The following SLC38A6 variants were observed in gnomAD, a reference collection of about 807,000 sequenced individuals.
SLC38A6 encodes the protein N system amino acid transporter NAT-1.
In SLC38A6, 73 loss-of-function variants were observed where a neutral mutation model predicts 65.0. The ratio of observed to expected loss-of-function variants is 1.12; its 90% CI spans 0.93 to 1.37. The LOEUF is 1.37. SLC38A6 is among the 40% of genes most tolerant of loss of function. The pLI is 0.00. For missense variants in SLC38A6, 561 were observed against 531.1 expected, an observed-to-expected ratio of 1.06 and a Z score of -0.55; for synonymous variants, 183 against 178.8, an observed-to-expected ratio of 1.02 and a Z score of -0.19.
At chr14:61,009,320 A>G (rs1449618404) in intron 3 of SLC38A6, among the ~76,000 whole-genome samples, 1 of 152,148 alleles carries the variant, frequency 6.6e-6, no homozygotes, top group East Asian at 1.9e-4. Context: ...AAATTACATC[A>G]ATCTGCATGT....
intron 3 of SLC38A6, chr14:61,004,504 T>A (rs1034244503): frequency 2.8e-4 from 42 of 152,292 alleles, no homozygotes; most frequent in African/African-American, 9.9e-4. Flanking sequence ...ATAAAGGGGT[T>A]ATCACCACTG....
At chr14:61,049,656 A>G (rs933180200) in intron 12 of SLC38A6, among the ~76,000 whole-genome samples, 9 of 152,176 alleles carry the variant, frequency 5.9e-5, no homozygotes, top group African/African-American at 2.2e-4. Flanking sequence ...ATCTCTTCTT[A>G]AAGTTCCCTG....
chr14:60,997,733 T>C (rs893281108), intron 3 of SLC38A6, among the ~76,000 whole-genome samples: 1 of 152,086 alleles, frequency 6.6e-6, no homozygotes, highest in Non-Finnish European at 1.5e-5. Flanking sequence ...AGAGTTCCAG[T>C]TGAGAGGAGC....
At chr14:61,050,029 CGTT>C (rs1238640342) in intron 12 of SLC38A6, among the ~76,000 whole-genome samples, 2 of 152,038 alleles carry the variant, frequency 1.3e-5, no homozygotes, top group Non-Finnish European at 2.9e-5. Context: ...TTCTAGAAAA[CGTT>C]GTGGTATTGA....
chr14:61,030,883 T>G (rs2040941386), intron 6 of SLC38A6: 1 of 161,540 alleles, frequency 6.2e-6, no homozygotes, highest in Non-Finnish European at 1.3e-5. Flanking sequence ...GAAGGTTGAA[T>G]ATACTGACAG....
At chr14:61,017,908 T>C (rs1595097105) in intron 4 of SLC38A6, among the ~76,000 whole-genome samples, 2 of 152,238 alleles carry the variant, frequency 1.3e-5, no homozygotes, top group Non-Finnish European at 1.5e-5. Context: ...CCAGATGTTA[T>C]ATAGTTATAA....
intron 3 of SLC38A6, among the ~76,000 whole-genome samples, chr14:61,009,107 T>C (rs2039361079): frequency 1.3e-5 from 2 of 152,306 alleles, no homozygotes; most frequent in South Asian, 4.1e-4. Context: ...TCTTTAAATT[T>C]AGTCTGCCCA....
At chr14:61,010,462 C>T (rs980745739) in intron 3 of SLC38A6, among the ~76,000 whole-genome samples, 4 of 152,186 alleles carry the variant, frequency 2.6e-5, no homozygotes, top group African/African-American at 9.7e-5. Context: ...CAGCCCATGC[C>T]TATGTCCTGA....
At chr14:60,988,451 TGCATGTA>T (rs1468022105) in intron 3 of SLC38A6, among the ~76,000 whole-genome samples, 1 of 152,242 alleles carries the variant, frequency 6.6e-6, no homozygotes, top group African/African-American at 2.4e-5. Context: ...GATTTCAATA[TGCATGTA>T]GCTAATCCTT....
downstream of SLC38A6, among the ~76,000 whole-genome samples, chr14:61,054,866 G>A (rs1415932594): frequency 6.6e-6 from 1 of 152,116 alleles, no homozygotes; most frequent in Non-Finnish European, 1.5e-5. Context: ...TCTCTTGCCT[G>A]ACTGCTCTGG....
At chr14:61,014,196 T>G (rs2039812859) in intron 3 of SLC38A6, among the ~76,000 whole-genome samples, 1 of 152,256 alleles carries the variant, frequency 6.6e-6, no homozygotes, top group South Asian at 2.1e-4. Context: ...GGCTTGTGCA[T>G]TCATCACGTA....
At chr14:61,012,292 T>G (rs1595069234) in intron 3 of SLC38A6, among the ~76,000 whole-genome samples, 1 of 152,112 alleles carries the variant, frequency 6.6e-6, no homozygotes, top group Non-Finnish European at 1.5e-5. Flanking sequence ...GTATTAGTCT[T>G]GCTAGCGGTC....
intron 3 of SLC38A6, among the ~76,000 whole-genome samples, chr14:60,990,886 G>A (rs1235461831): frequency 1.3e-5 from 2 of 151,970 alleles, no homozygotes; most frequent in Non-Finnish European, 2.9e-5. Context: ...CTCTTACCAC[G>A]ATGCCTAGGC....
At chr14:61,072,328 C>T (rs1237281450) in intron 15 of SLC38A6, among the ~76,000 whole-genome samples, 1 of 152,062 alleles carries the variant, frequency 6.6e-6, no homozygotes, top group Non-Finnish European at 1.5e-5. Context: ...AACAGTCACA[C>T]CATGGAGAAT....
At chr14:61,075,794 TGTGTG>T (rs1267598752) in intron 15 of SLC38A6, among the ~76,000 whole-genome samples, 1 of 139,802 alleles carries the variant, frequency 7.2e-6, no homozygotes, top group Non-Finnish European at 1.6e-5. Flanking sequence ...TGTGTGTGTG[TGTGTG>T]TGTGTGTGTG....
At chr14:61,066,214 A>C (rs2043013514) in intron 15 of SLC38A6, among the ~76,000 whole-genome samples, 1 of 152,156 alleles carries the variant, frequency 6.6e-6, no homozygotes, top group African/African-American at 2.4e-5. Flanking sequence ...TTCCATAAGG[A>C]GGTAGGAAAA....
intron 15 of SLC38A6, among the ~76,000 whole-genome samples, chr14:61,068,457 A>G (rs2043106377): frequency 6.6e-6 from 1 of 152,160 alleles, no homozygotes; most frequent in South Asian, 2.1e-4. Flanking sequence ...ATGTCAATGT[A>G]TCTTTCATTC....
chr14:61,057,934 G>A (rs1044976913), intron 15 of SLC38A6, among the ~76,000 whole-genome samples: 199 of 136,378 alleles, frequency 1.5e-3, no homozygotes, highest in South Asian at 3.9e-3. Flanking sequence ...TTCTCTCATG[G>A]TAGTTTGTAT....
chr14:61,047,758 GA>G (rs2042239421), intron 12 of SLC38A6, among the ~76,000 whole-genome samples: 1 of 151,984 alleles, frequency 6.6e-6, no homozygotes, highest in South Asian at 2.1e-4. Context: ...CCTAGACAGG[GA>G]TTTGTCTAAT....
Sources: gnomAD v4.1 joint callset for allele counts (sites outside exome capture counted in the v4.1 genomes callset) on GRCh38, gnomAD v4.1.1 for gene constraint, MANE v1.5 for transcripts, NCBI Gene and HGNC (gene_info 2026-07-23, HGNC 2026-07-21) for gene names.